VCPIP1: variants seen among roughly 807,000 people sequenced by gnomAD.
The protein encoded by VCPIP1 is deubiquitinating protein VCPIP1.
A neutral mutation model predicts 85.0 loss-of-function variants in VCPIP1; 8 were observed. The ratio of observed to expected loss-of-function variants is 0.09; its 90% CI spans 0.06 to 0.17. The LOEUF is 0.17. VCPIP1 is among the 10% of genes least tolerant of loss of function. VCPIP1 has a pLI of 1.00. For synonymous variants in VCPIP1, 543 were observed against 544.5 expected, an observed-to-expected ratio of 1.00 and a Z score of 0.04; for missense variants, 1,070 against 1,486.3, an observed-to-expected ratio of 0.72 and a Z score of 4.61.
intron 2 of VCPIP1, among the ~76,000 whole-genome samples, chr8:66,651,250 A>G (rs114969503): frequency 0.02 from 3,017 of 152,140 alleles, 93 homozygotes; most frequent in African/African-American, 0.067. Flanking sequence ...AAGAATAGCA[A>G]CAAAGTGATA....
chr8:66,651,635 A>G (rs773213590), intron 1 of VCPIP1, 91 bp from the exon 2 acceptor site: 1 of 963,124 alleles, frequency 1.0e-6, no homozygotes, highest in Non-Finnish European at 1.6e-6. Flanking sequence ...AATAAACATC[A>G]AGGCAGAGCT....
chr8:66,663,721 TAC>T (rs778064380), intron 1 of VCPIP1, among the ~76,000 whole-genome samples: 4 of 152,158 alleles, frequency 2.6e-5, no homozygotes, highest in African/African-American at 4.8e-5. Flanking sequence ...CTAGTGTACT[TAC>T]ATACAAATCC....
At position 66,665,159 on chromosome 8, in the gene VCPIP1, T is replaced by C. The variant is rs186808196; in HGVS notation, c.1800A>G (p.Gly600=). 1 of 1,612,056 alleles carries C rather than the reference T, an allele frequency of 6.2e-7. No homozygotes were observed. Among genetic ancestry groups the C allele is most frequent in the East Asian group, 2.2e-5 (1 of 44,850 alleles). ...EAFPITLEWG[G]RVVRETVYWF... ...AATATACTGTTTCTCTGACCACTCT[T>C]CCACCCCATTCTAAAGTAATAGGGA... is the stretch of plus-strand genomic sequence containing the variant. Residue 600 remains glycine, a synonymous_variant, in exon 1 of 3, where the codon GGA becomes GGG. Coordinates refer to ENST00000310421, the MANE Select transcript of VCPIP1 (RefSeq NM_025054.5). This position sits in a 1 kb window ranked among gnomAD's most constrained non-coding sequence, Gnocchi z 4.3.
chr8:66,658,523 T>C (rs991514528), intron 1 of VCPIP1, among the ~76,000 whole-genome samples: 1 of 151,944 alleles, frequency 6.6e-6, no homozygotes, highest in Non-Finnish European at 1.5e-5. Context: ...AGAGTCTCAC[T>C]CTGTCACCAG....
At chr8:66,643,635 G>A (rs1467603581) in intron 2 of VCPIP1, among the ~76,000 whole-genome samples, 5 of 151,754 alleles carry the variant, frequency 3.3e-5, no homozygotes, top group East Asian at 1.9e-4. Context: ...TCCGGGAGGC[G>A]GAGGTTGCAG....
Position 66,666,392 on chromosome 8 carries a change from C to G in VCPIP1, c.567G>C (p.Leu189=), listed in dbSNP as rs754952592. 6.2e-7 allele frequency: 1 copy of G among 1,614,130 alleles called. No homozygotes were observed. The highest frequency in any genetic ancestry group is 8.5e-7 in the Non-Finnish European group (1 of 1,180,028). ...TGTCCTCCAGAGTGTCATGCAAATACAGGAGGCTTCCGGAGCGGTCCTTGC... is the reference window on the plus strand; with the variant it reads ...TGTCCTCCAGAGTGTCATGCAAATAGAGGAGGCTTCCGGAGCGGTCCTTGC... ...GYGKDRSGSL[L]YLHDTLEDIK... is the part of the protein sequence containing the mutation. The change falls in exon 1 of 3, where the codon CTG becomes CTC. Residue 189 remains leucine (L), a synonymous_variant. Coordinates refer to ENST00000310421, the MANE Select transcript of VCPIP1 (RefSeq NM_025054.5). The surrounding 1 kb of genome is among the most constrained non-coding windows in gnomAD (Gnocchi z 6.3).
In VCPIP1 at chr8:66,632,343, C is replaced by G. The variant is rs1201066057; in HGVS notation, c.*2158G>C. 2.0e-5 allele frequency: 3 copies of G among 152,108 alleles called. No individual in the cohort carries two copies. The allele number at this position is 152,108 out of a possible 1,614,324, so 9.4% of individuals were successfully genotyped here. ...GAAAGAATTTCAAGAAATTTGATCA[C>G]TTATCAGAATTGAGCCTTTTATTCA... On this transcript the variant is annotated 3_prime_UTR_variant, in exon 3 of 3. Transcript: ENST00000310421.
chr8:66,635,421 TAA>T (rs1454150011), intron 2 of VCPIP1, 49 bp from the exon 3 acceptor site: 1 of 1,496,390 alleles, frequency 6.7e-7, no homozygotes. Context: ...AAGGTATTAA[TAA>T]AAGTGTAGTC....
intron 2 of VCPIP1, among the ~76,000 whole-genome samples, chr8:66,644,371 G>A (rs773026086): frequency 1.3e-5 from 2 of 151,996 alleles, no homozygotes. Context: ...AGTAAAGTTC[G>A]TTCAACATTC....
In VCPIP1 at chr8:66,665,714, A is replaced by G. The variant is rs1811201632; in HGVS notation, c.1245T>C (p.Ala415=). The G allele has an allele frequency of 1.9e-6, 3 of 1,614,062 alleles. No homozygotes were observed. The highest frequency in any genetic ancestry group is 1.7e-5 in the Admixed American group (1 of 59,994). The change falls in exon 1 of 3, where the codon GCT becomes GCC. Residue 415 remains alanine, a synonymous_variant. Coordinates refer to ENST00000310421, the MANE Select transcript of VCPIP1 (RefSeq NM_025054.5). This position sits in a 1 kb window ranked among gnomAD's most constrained non-coding sequence, Gnocchi z 4.3. ...LQDKYLLRLV[A]AMEEVFMDKH... The stretch of plus-strand genomic sequence containing the variant: ...TGTCCATAAAGACTTCTTCCATAGC[A>G]GCAACAAGCCTAAGTAAGTATTTAT...
chr8:66,629,604 T>TA lies in VCPIP1; in HGVS notation c.*4896dup, dbSNP rs546828025. ...GGCTCACGCCTGTAATCCCAGCACTTAAAGAGGCAGAGGAGGGCAGATCAC... is the reference window on the plus strand; with the variant it reads ...GGCTCACGCCTGTAATCCCAGCACTTAAAAGAGGCAGAGGAGGGCAGATCAC... On this transcript the variant is annotated 3_prime_UTR_variant, in exon 3 of 3. Coordinates refer to ENST00000310421, the MANE Select transcript of VCPIP1 (RefSeq NM_025054.5). 2 of 152,212 alleles carry TA rather than the reference T, an allele frequency of 1.3e-5. No homozygotes were observed. Among genetic ancestry groups the TA allele is most frequent in the African/African-American group, 4.8e-5 (2 of 41,438 alleles). The allele number at this position is 152,212 out of a possible 1,614,324, so 9.4% of individuals were successfully genotyped here.
At chr8:66,638,970 C>CTCTATATATATA in intron 2 of VCPIP1, among the ~76,000 whole-genome samples, 25 of 118,436 alleles carry the variant, frequency 2.1e-4, no homozygotes, top group African/African-American at 9.7e-4. Context: ...CTCTCTCTCT[C>CTCTATATATATA]TATATATATA....
intron 2 of VCPIP1, among the ~76,000 whole-genome samples, chr8:66,637,038 T>C (rs1810894075): frequency 6.6e-6 from 1 of 152,174 alleles, no homozygotes; most frequent in Non-Finnish European, 1.5e-5. Flanking sequence ...TTCTGCACGT[T>C]TATATTGTTA....
At chr8:66,664,157 G>T (rs1269667847) in intron 1 of VCPIP1, 92 bp downstream of exon 1, 16 of 1,372,448 alleles carry the variant, frequency 1.2e-5, no homozygotes, top group Non-Finnish European at 1.5e-5. Context: ...ACTTACAATG[G>T]CTACAGATTT....
chr8:66,662,939 T>C (rs1460466607), intron 1 of VCPIP1, among the ~76,000 whole-genome samples: 2 of 151,896 alleles, frequency 1.3e-5, no homozygotes. Context: ...ACCCCGTCTC[T>C]ACTAAAAATA....
Position 66,628,721 on chromosome 8 carries a change from A to AACAC in VCPIP1, c.*5776_*5779dup, listed in dbSNP as rs1810803379. 1 of 152,258 alleles carries AACAC rather than the reference A, an allele frequency of 6.6e-6. No homozygotes were observed. Among genetic ancestry groups the AACAC allele is most frequent in the South Asian group, 2.1e-4 (1 of 4,838 alleles). 9.4% of individuals were successfully genotyped at this position (152,258 alleles called of 1,614,324 possible). On this transcript the variant is annotated 3_prime_UTR_variant, in exon 3 of 3. Coordinates refer to ENST00000310421, the MANE Select transcript of VCPIP1 (RefSeq NM_025054.5). ...GTCCAAGTTTGGGATAACTGTAGCCAACACCTAAAGGAAAGGTAATTATGT... is the reference window on the plus strand; with the variant it reads ...GTCCAAGTTTGGGATAACTGTAGCCAACACACACCTAAAGGAAAGGTAATTATGT...
intron 1 of VCPIP1, among the ~76,000 whole-genome samples, chr8:66,656,106 A>G (rs777344051): frequency 6.6e-6 from 1 of 151,946 alleles, no homozygotes; most frequent in Non-Finnish European, 1.5e-5. Context: ...ATTTTTTCTA[A>G]TTTTTTTCTA....
chr8:66,663,360 G>C (rs757186232), intron 1 of VCPIP1, among the ~76,000 whole-genome samples: 1 of 152,010 alleles, frequency 6.6e-6, no homozygotes, highest in Non-Finnish European at 1.5e-5. Context: ...GACTTTTCTC[G>C]TTGAAAGCTT....
chr8:66,635,115 G>T lies in VCPIP1; in HGVS notation c.3055C>A (p.Leu1019Ile). 1 of 1,614,198 alleles carries T rather than the reference G, an allele frequency of 6.2e-7. No individual in the cohort carries two copies. The highest frequency in any genetic ancestry group is 8.5e-7 in the Non-Finnish European group (1 of 1,180,038). ...GGVVKKKSEQ[L>I]HNVTAFQGKG... The stretch of plus-strand genomic sequence containing the variant: ...CCCTGAAAGGCAGTTACGTTATGAA[G>T]TTGCTCAGATTTCTTTTTCACTACT... The change falls in exon 3 of 3, where the codon CTT becomes ATT. Residue 1019 changes from leucine (L) to isoleucine (I), a missense_variant. Coordinates refer to ENST00000310421, the MANE Select transcript of VCPIP1 (RefSeq NM_025054.5).
Sources: gnomAD v4.1 joint callset for allele counts (sites outside exome capture counted in the v4.1 genomes callset) on GRCh38, gnomAD v4.1.1 for gene constraint, Gnocchi (gnomAD v3.1) non-coding constraint, MANE v1.5 for transcripts, NCBI Gene and HGNC (gene_info 2026-07-23, HGNC 2026-07-21) for gene names.